Variants in DPF3 observed in about 807,000 individuals in gnomAD.
DPF3 encodes zinc finger protein DPF3.
In DPF3, 18 loss-of-function variants were observed where a neutral mutation model predicts 56.8. The observed-to-expected ratio is 0.32, with a 90% CI of 0.22 to 0.47. The LOEUF (loss-of-function observed/expected upper bound fraction) is 0.47, where lower values mean the gene tolerates loss of function less well. DPF3 is among the 20% of genes least tolerant of loss of function. The pLI, the probability that DPF3 is intolerant of heterozygous loss-of-function variation, is 1.00. For missense variants in DPF3, 403 were observed against 488.8 expected, an observed-to-expected ratio of 0.82 and a Z score of 1.65; for synonymous variants, 188 against 180.2, an observed-to-expected ratio of 1.04 and a Z score of -0.35.
At chr14:72,859,152 A>G (rs990264955) in intron 1 of DPF3, among the ~76,000 whole-genome samples, 2 of 152,184 alleles carry the variant, frequency 1.3e-5, no homozygotes, top group Non-Finnish European at 1.5e-5. Context: ...ATTTATTTCA[A>G]AGTAATCTCT....
intron 8 of DPF3, among the ~76,000 whole-genome samples, chr14:72,643,302 C>A (rs1885614673): frequency 1.3e-5 from 2 of 152,300 alleles, no homozygotes; most frequent in Non-Finnish European, 2.9e-5. Flanking sequence ...CCATTTGCAC[C>A]ACATAAGGGT....
At chr14:72,875,833 C>G (rs774561425) in intron 1 of DPF3, among the ~76,000 whole-genome samples, 19 of 152,158 alleles carry the variant, frequency 1.2e-4, no homozygotes, top group Non-Finnish European at 2.4e-4. Context: ...GGGTGGGAAC[C>G]AGGCAGCACT....
chr14:72,828,887 C>G (rs1163886199), intron 1 of DPF3, among the ~76,000 whole-genome samples: 1 of 152,180 alleles, frequency 6.6e-6, no homozygotes, highest in Non-Finnish European at 1.5e-5. Flanking sequence ...AGAGACTGGG[C>G]AGACTCTAGA....
At chr14:72,714,142 A>G (rs1289777848) in intron 6 of DPF3, among the ~76,000 whole-genome samples, 1 of 152,232 alleles carries the variant, frequency 6.6e-6, no homozygotes, top group African/African-American at 2.4e-5. Context: ...AGAGAGCCGG[A>G]GGAGAGCCAC....
At chr14:72,873,212 A>C (rs1345976932) in intron 1 of DPF3, among the ~76,000 whole-genome samples, 4 of 150,898 alleles carry the variant, frequency 2.7e-5, no homozygotes, top group South Asian at 2.1e-4. Flanking sequence ...CAATGAACTC[A>C]AACAAATTTA....
At chr14:72,661,885 T>C in intron 8 of DPF3, 1 of 978,606 alleles carries the variant, frequency 1.0e-6, no homozygotes, top group Non-Finnish European at 1.2e-6. Context: ...TGCTGCATTA[T>C]TTTAAACAAA....
At chr14:72,696,708 A>C (rs756047753) in intron 6 of DPF3, among the ~76,000 whole-genome samples, 1 of 152,204 alleles carries the variant, frequency 6.6e-6, no homozygotes. Flanking sequence ...CTTCCCCAAC[A>C]TGGTAGAAAG....
chr14:72,791,990 A>G (rs1406879792), intron 1 of DPF3, among the ~76,000 whole-genome samples: 1 of 152,224 alleles, frequency 6.6e-6, no homozygotes, highest in Non-Finnish European at 1.5e-5. Context: ...TAAAGGGCAC[A>G]GAGGGCTCCA....
At chr14:72,625,560 T>C (rs999272929) in intron 9 of DPF3, among the ~76,000 whole-genome samples, 2 of 152,182 alleles carry the variant, frequency 1.3e-5, no homozygotes, top group Admixed American at 6.5e-5. Context: ...GAGAATGGTG[T>C]TTAGAAACCA....
chr14:72,864,491 G>A (rs1380574286), intron 1 of DPF3, among the ~76,000 whole-genome samples: 1 of 152,222 alleles, frequency 6.6e-6, no homozygotes, highest in Non-Finnish European at 1.5e-5. Context: ...GGCACTTAGT[G>A]AGAGCTCAAT....
intron 5 of DPF3, among the ~76,000 whole-genome samples, chr14:72,719,965 T>C (rs2153576375): frequency 1.3e-5 from 2 of 152,016 alleles, no homozygotes; most frequent in South Asian, 4.2e-4. Flanking sequence ...CCTGGCCTCC[T>C]CAGTGAGCAC....
chr14:72,679,173 C>T (rs958987934), intron 7 of DPF3: 6 of 152,228 alleles, frequency 3.9e-5, no homozygotes, highest in Non-Finnish European at 8.8e-5. Context: ...GCCTCTCCCC[C>T]TCCCAGTCGG....
intron 1 of DPF3, among the ~76,000 whole-genome samples, chr14:72,816,989 C>T (rs77081102): frequency 0.093 from 14,234 of 152,260 alleles, 822 homozygotes; most frequent in Admixed American, 0.18. Flanking sequence ...CTGCCCCCCT[C>T]TGAAGCTAGA....
intron 1 of DPF3, chr14:72,836,141 GGAGGC>G (rs1487289050): frequency 1.0e-6 from 1 of 986,072 alleles, no homozygotes; most frequent in African/African-American, 1.7e-5. Flanking sequence ...GTGAGGAACA[GGAGGC>G]TGATCATTGT....
intron 3 of DPF3, among the ~76,000 whole-genome samples, chr14:72,738,564 C>T (rs1201787452): frequency 6.6e-6 from 1 of 151,940 alleles, no homozygotes; most frequent in East Asian, 1.9e-4. Flanking sequence ...AATGCAGCTA[C>T]CAGGAGGGTG....
chr14:72,795,623 G>A (rs965408166), intron 1 of DPF3, among the ~76,000 whole-genome samples: 1 of 152,074 alleles, frequency 6.6e-6, no homozygotes, highest in African/African-American at 2.4e-5. Context: ...CCAGTTTGAC[G>A]TGAAGTACTT....
chr14:72,722,389 G>A (rs969430581), intron 5 of DPF3, among the ~76,000 whole-genome samples: 1 of 152,202 alleles, frequency 6.6e-6, no homozygotes, highest in African/African-American at 2.4e-5. Context: ...TGTGTGCCGC[G>A]CTGGCCGATG....
chr14:72,863,810 A>T (rs1885551592), intron 1 of DPF3, among the ~76,000 whole-genome samples: 1 of 152,158 alleles, frequency 6.6e-6, no homozygotes, highest in Non-Finnish European at 1.5e-5. Context: ...CACTGTGCAA[A>T]TGTTCTGCTG....
intron 1 of DPF3, chr14:72,806,693 A>T (rs1432879231): frequency 2.0e-5 from 3 of 152,106 alleles, no homozygotes; most frequent in Admixed American, 1.3e-4. Context: ...GTGCTCCTGG[A>T]ATTCGACATG....
Sources: gnomAD v4.1 joint callset for allele counts (sites outside exome capture counted in the v4.1 genomes callset) on GRCh38, gnomAD v4.1.1 for gene constraint, MANE v1.5 for transcripts, NCBI Gene and HGNC (gene_info 2026-07-23, HGNC 2026-07-21) for gene names.